SEC24D: variants seen among roughly 807,000 people sequenced by gnomAD.
SEC24D encodes the protein SEC24 homolog D, COPII component.
Under a neutral mutation model 116.9 loss-of-function variants are expected in SEC24D, and 69 were observed. That is an observed-to-expected ratio of 0.59 (90% CI 0.49 to 0.72). The LOEUF is 0.72. Ranked by LOEUF, SEC24D falls within the 30% of genes least tolerant of loss-of-function variation. SEC24D has a pLI of 0.00. For missense variants in SEC24D, 1,131 were observed against 1,264.1 expected, an observed-to-expected ratio of 0.89 and a Z score of 1.60; for synonymous variants, 405 against 442.8, an observed-to-expected ratio of 0.91 and a Z score of 1.07.
At chr4:118,747,202 A>T (rs541056534) in intron 13 of SEC24D, among the ~76,000 whole-genome samples, 1 of 152,216 alleles carries the variant, frequency 6.6e-6, no homozygotes, top group Admixed American at 6.5e-5. Flanking sequence ...TATTGATTAT[A>T]AAATGTTAAG....
chr4:118,779,571 T>G (rs1423360831), intron 8 of SEC24D, among the ~76,000 whole-genome samples: 2 of 152,222 alleles, frequency 1.3e-5, no homozygotes, highest in African/African-American at 4.8e-5. Context: ...TCTCTTTTTT[T>G]GTTGTGTCTC....
intron 13 of SEC24D, among the ~76,000 whole-genome samples, chr4:118,750,012 A>G (rs887405178): frequency 2.0e-5 from 3 of 152,236 alleles, no homozygotes; most frequent in Non-Finnish European, 4.4e-5. Flanking sequence ...ATATATTTAG[A>G]TATTAGTTTC....
intron 15 of SEC24D, among the ~76,000 whole-genome samples, chr4:118,742,175 G>GA (rs571990983): frequency 3.4e-5 from 5 of 147,548 alleles, no homozygotes; most frequent in East Asian, 2.0e-4. Context: ...AACTTAAATA[G>GA]AAAAAAAAAA....
rs538184929 is a variant in SEC24D at position 118,748,926 on chromosome 4, TAC to T, written c.1707+3068_1707+3069del. ...GCATTCCCCTGCAATCACACTTAGGTACGTATTATGGATAATTTACAGATAAA... is the reference window on the plus strand; with the variant it reads ...GCATTCCCCTGCAATCACACTTAGGTGTATTATGGATAATTTACAGATAAA... On this transcript the variant is annotated intron_variant, in intron 13 of 22. Transcript: ENST00000280551. Among the ~76,000 whole-genome samples the T allele has an allele frequency of 2.6e-5, 4 of 152,226 alleles. No individual in the cohort carries two copies. The South Asian group carries it at 8.3e-4, about 32-fold the overall frequency.
chr4:118,759,338 A>C (rs1207328801), intron 10 of SEC24D, among the ~76,000 whole-genome samples: 1 of 152,166 alleles, frequency 6.6e-6, no homozygotes, highest in Non-Finnish European at 1.5e-5. Context: ...ATGATTCTTT[A>C]ACAATGTTTC....
At chr4:118,828,303 G>A (rs1017677622) in intron 2 of SEC24D, among the ~76,000 whole-genome samples, 5 of 152,178 alleles carry the variant, frequency 3.3e-5, no homozygotes, top group South Asian at 2.1e-4. Flanking sequence ...TAGAGACGGC[G>A]TTTCACCATG....
chr4:118,780,906 G>GATTTTTTTTTTTT (rs1728368824), intron 8 of SEC24D, among the ~76,000 whole-genome samples: 3 of 106,078 alleles, frequency 2.8e-5, no homozygotes, highest in African/African-American at 3.4e-5. Flanking sequence ...TGCAACCCCT[G>GATTTTTTTTTTTT]CTTTTTTTTT....
intron 8 of SEC24D, among the ~76,000 whole-genome samples, chr4:118,780,219 C>T (rs1051111355): frequency 6.6e-6 from 1 of 152,168 alleles, no homozygotes; most frequent in African/African-American, 2.4e-5. Flanking sequence ...ATCTTTCCTG[C>T]TTTCTCTTGT....
At chr4:118,738,636 C>A (rs1726084446) in intron 18 of SEC24D, among the ~76,000 whole-genome samples, 1 of 152,240 alleles carries the variant, frequency 6.6e-6, no homozygotes, top group South Asian at 2.1e-4. Flanking sequence ...GAATTGTACA[C>A]ACAGAAAAAA....
chr4:118,782,922 T>C (rs576220039), intron 8 of SEC24D, among the ~76,000 whole-genome samples: 2 of 152,296 alleles, frequency 1.3e-5, no homozygotes, highest in South Asian at 2.1e-4. Flanking sequence ...GCATGGGATA[T>C]AATCTCCTGG....
At chr4:118,777,881 A>C (rs1285474284) in intron 8 of SEC24D, among the ~76,000 whole-genome samples, 1 of 152,124 alleles carries the variant, frequency 6.6e-6, no homozygotes, top group African/African-American at 2.4e-5. Flanking sequence ...GCATTTTTTC[A>C]TGTGTCTGTT....
At chr4:118,771,797 C>T (rs574610160) in intron 8 of SEC24D, among the ~76,000 whole-genome samples, 3 of 152,084 alleles carry the variant, frequency 2.0e-5, no homozygotes, top group East Asian at 3.9e-4. Context: ...ATCAGTTTTC[C>T]GAGTATTGCT....
intron 8 of SEC24D, among the ~76,000 whole-genome samples, chr4:118,795,215 T>G (rs1729125097): frequency 6.6e-6 from 1 of 151,842 alleles, no homozygotes; most frequent in Non-Finnish European, 1.5e-5. Flanking sequence ...AACTTTTTTT[T>G]TTTTTTGAGA....
chr4:118,741,130 T>C (rs929294176), intron 15 of SEC24D, 93 bp from the exon 16 acceptor site: 12 of 609,008 alleles, frequency 2.0e-5, no homozygotes, highest in Admixed American at 3.5e-5. Flanking sequence ...AATAATTATT[T>C]TTAAAATCCC....
intron 8 of SEC24D, among the ~76,000 whole-genome samples, chr4:118,771,741 T>A (rs1351868439): frequency 6.6e-6 from 1 of 152,220 alleles, no homozygotes; most frequent in East Asian, 1.9e-4. Context: ...AATGCCTTCT[T>A]AATACCACTA....
intron 1 of SEC24D, 79 bp downstream of exon 1, chr4:118,835,862 G>T: frequency 6.5e-6 from 1 of 153,124 alleles, no homozygotes; most frequent in Non-Finnish European, 1.5e-5. Flanking sequence ...CGCGTCCCCG[G>T]GCCGGGCGCC....
At chr4:118,798,593 C>T (rs1223563743) in intron 7 of SEC24D, among the ~76,000 whole-genome samples, 1 of 152,176 alleles carries the variant, frequency 6.6e-6, no homozygotes, top group African/African-American at 2.4e-5. Flanking sequence ...GTCCTAGGTG[C>T]TTGCAGAGCT....
In SEC24D at chr4:118,805,862, A is replaced by T. The variant is rs759343736; in HGVS notation, c.894T>A (p.Asp298Glu). Residue 298 changes from aspartate (D) to glutamate (E), a missense_variant, in exon 7 of 23, where the codon GAT becomes GAA. Coordinates refer to ENST00000280551, the MANE Select transcript of SEC24D (RefSeq NM_014822.4). ...RGQIPPLVTT[D>E]CMIQDQGNAS... Reference sequence around the variant, plus strand: ...AAATACCTTGGTCTTGTATCATGCAATCTGTAGTGACCAGGGGAGGGATCT... The same window carrying T: ...AAATACCTTGGTCTTGTATCATGCATTCTGTAGTGACCAGGGGAGGGATCT... The T allele has an allele frequency of 6.4e-7, 1 of 1,573,050 alleles. No homozygotes were observed. Among genetic ancestry groups the T allele is most frequent in the South Asian group, 1.2e-5 (1 of 81,382 alleles).
intron 3 of SEC24D, 85 bp downstream of exon 3, chr4:118,824,535 A>G: frequency 7.0e-7 from 1 of 1,436,004 alleles, no homozygotes; most frequent in Non-Finnish European, 9.6e-7. Flanking sequence ...CAAACTTTCA[A>G]CCAATAAACA....
Sources: allele counts gnomAD v4.1 joint callset (sites outside exome capture counted in the v4.1 genomes callset), GRCh38; gene constraint gnomAD v4.1.1; transcripts MANE v1.5; gene names NCBI Gene and HGNC (gene_info 2026-07-23, HGNC 2026-07-21).